Variants in EPB41L4B observed in about 807,000 individuals in gnomAD.
EPB41L4B encodes erythrocyte membrane protein band 4.1 like 4B.
A neutral mutation model predicts 112.5 loss-of-function variants in EPB41L4B; 30 were observed. The ratio of observed to expected loss-of-function variants is 0.27; its 90% CI spans 0.20 to 0.36. The LOEUF is 0.36. EPB41L4B is among the 10% of genes least tolerant of loss of function. The pLI is 1.00. For synonymous variants in EPB41L4B, 408 were observed against 439.7 expected (o/e 0.93, Z 0.90); for missense variants, 1,024 against 1,133.3 (o/e 0.90, Z 1.38).
chr9:109,205,122 G>A (rs1282358410), intron 18 of EPB41L4B, among the ~76,000 whole-genome samples: 1 of 152,208 alleles, frequency 6.6e-6, no homozygotes, highest in Admixed American at 6.5e-5. Flanking sequence ...ATAAGAAGCT[G>A]ATGTGTACTG....
chr9:109,312,780 A>G (rs1398061313), intron 1 of EPB41L4B, among the ~76,000 whole-genome samples: 1 of 152,178 alleles, frequency 6.6e-6, no homozygotes, highest in African/African-American at 2.4e-5. Flanking sequence ...CCAGGCATAC[A>G]GCCAGAACTC....
At chr9:109,201,239 T>G (rs960742987) in intron 19 of EPB41L4B, among the ~76,000 whole-genome samples, 2 of 151,664 alleles carry the variant, frequency 1.3e-5, no homozygotes, top group African/African-American at 4.8e-5. Flanking sequence ...TGACTTGAGG[T>G]CAGGAGTTTG....
rs565731262 is a variant in EPB41L4B, at chr9:109,240,363, C to T, written c.1409+3255G>A. ...ACTGTGCAAGGTATGCAGCTGATAC[C>T]TTCTTGCTGAATAGATTTTTGCAGT... On this transcript the variant is annotated intron_variant, in intron 15 of 25. Coordinates refer to ENST00000374566, the MANE Select transcript of EPB41L4B (RefSeq NM_019114.5). The T allele has an allele frequency of 6.1e-6, 6 of 985,204 alleles. No homozygotes were observed. The African/African-American group carries it at 8.7e-5, about 14-fold the overall frequency. The allele number at this position is 985,204 out of a possible 1,614,324, so 61.0% of individuals were successfully genotyped here.
At chr9:109,271,053 T>C (rs909142713) in intron 2 of EPB41L4B, among the ~76,000 whole-genome samples, 3 of 152,244 alleles carry the variant, frequency 2.0e-5, no homozygotes, top group Admixed American at 6.5e-5. Flanking sequence ...AATTGCTGTT[T>C]GGGCTCTGCA....
chr9:109,267,404 G>A, intron 4 of EPB41L4B, 69 bp downstream of exon 4: 1 of 974,296 alleles, frequency 1.0e-6, no homozygotes, highest in Non-Finnish European at 1.6e-6. Context: ...ACCCACAATT[G>A]AGAAGAGCCA....
chr9:109,189,441 G>A (rs182063278), intron 22 of EPB41L4B, among the ~76,000 whole-genome samples: 11 of 152,286 alleles, frequency 7.2e-5, no homozygotes, highest in African/African-American at 2.6e-4. Flanking sequence ...AGATCAAGAT[G>A]TGTTACAGGA....
At chr9:109,185,635 G>A (rs746679864) in intron 22 of EPB41L4B, 30 bp from the exon 23 acceptor site, 1 of 1,557,494 alleles carries the variant, frequency 6.4e-7, no homozygotes, top group Admixed American at 1.8e-5. Flanking sequence ...AGAAGGGGAG[G>A]AGGAGGTGGC....
In EPB41L4B at chr9:109,258,310, T is replaced by C. The variant is rs2119037106; in HGVS notation, c.632-13A>G. The stretch of plus-strand genomic sequence containing the variant: ...TCCCCAAGCTCCGCTGTAAGTTTCA[T>C]AAAAGGGAGGAAAATAGGAGACATT... On this transcript the variant is annotated splice_polypyrimidine_tract_variant and intron_variant, in intron 6 of 25. Transcript: ENST00000374566. 6.2e-7 allele frequency: 1 copy of C among 1,609,090 alleles called. No homozygotes were observed. Among genetic ancestry groups the C allele is most frequent in the Non-Finnish European group, 8.5e-7 (1 of 1,176,798 alleles).
At chr9:109,277,315 CAAAAAAAA>C (rs35489544) in intron 2 of EPB41L4B, among the ~76,000 whole-genome samples, 1 of 112,308 alleles carries the variant, frequency 8.9e-6, no homozygotes, top group African/African-American at 3.4e-5. Context: ...AGTAGACATG[CAAAAAAAA>C]AAAAAAAAAA....
rs559166262 is a variant in EPB41L4B at position 109,267,842 on chromosome 9, A to G, written c.455-291T>C. Among the ~76,000 whole-genome samples the G allele has an allele frequency of 8.0e-4, 122 of 152,342 alleles. 1 individual carries two copies. Among genetic ancestry groups the G allele is most frequent in the Non-Finnish European group, 3.1e-4 (21 of 68,024 alleles). ...ACATTTTATTTTCACCCCTGATGCCACAATACTCCAAACTGACAGCTAGTT... is the reference window on the plus strand; with the variant it reads ...ACATTTTATTTTCACCCCTGATGCCGCAATACTCCAAACTGACAGCTAGTT... On this transcript the variant is annotated intron_variant, in intron 3 of 25. Coordinates refer to ENST00000374566, the MANE Select transcript of EPB41L4B (RefSeq NM_019114.5).
chr9:109,276,384 C>A (rs1189015213), intron 2 of EPB41L4B, among the ~76,000 whole-genome samples: 1 of 151,900 alleles, frequency 6.6e-6, no homozygotes, highest in Non-Finnish European at 1.5e-5. Flanking sequence ...GAAGGAGAAA[C>A]AGCATAAGCA....
intron 4 of EPB41L4B, among the ~76,000 whole-genome samples, chr9:109,266,968 C>T (rs1314549059): frequency 1.6e-4 from 15 of 91,740 alleles, no homozygotes; most frequent in Admixed American, 4.3e-4. Flanking sequence ...GATTTTGTTT[C>T]AAAAAAAAAA....
At chr9:109,231,447 C>T (rs557418299) in intron 15 of EPB41L4B, among the ~76,000 whole-genome samples, 2 of 152,286 alleles carry the variant, frequency 1.3e-5, no homozygotes, top group East Asian at 3.9e-4. Context: ...AGTTTTAGTG[C>T]ATTTAAATTT....
intron 20 of EPB41L4B, among the ~76,000 whole-genome samples, chr9:109,199,695 T>C (rs1285756084): frequency 6.6e-6 from 1 of 152,080 alleles, no homozygotes; most frequent in Non-Finnish European, 1.5e-5. Context: ...GGGATGTCAG[T>C]TCTGTGCGTA....
intron 19 of EPB41L4B, among the ~76,000 whole-genome samples, chr9:109,201,979 C>T (rs1383997161): frequency 6.6e-6 from 1 of 152,064 alleles, no homozygotes; most frequent in African/African-American, 2.4e-5. Context: ...GGACTGTGGG[C>T]AGCAGTAGGC....
At chr9:109,195,258 A>G (rs1199054079) in intron 20 of EPB41L4B, among the ~76,000 whole-genome samples, 3 of 151,776 alleles carry the variant, frequency 2.0e-5, no homozygotes, top group Admixed American at 1.3e-4. Flanking sequence ...TAGATACAAG[A>G]CCCATGACAG....
intron 25 of EPB41L4B, 31 bp from the exon 26 acceptor site, chr9:109,174,654 A>T (rs1340799112): frequency 6.3e-7 from 1 of 1,597,358 alleles, no homozygotes; most frequent in Non-Finnish European, 8.6e-7. Context: ...AAATAGTGAG[A>T]CAATCCCTCA....
At chr9:109,213,922 C>A in intron 16 of EPB41L4B, 104 bp from the exon 17 acceptor site, 11 of 931,448 alleles carry the variant, frequency 1.2e-5, no homozygotes, top group Non-Finnish European at 1.9e-5. Context: ...ACCCTTTCTG[C>A]CGGCCTCCTC....
At chr9:109,225,722 C>G (rs1833738555) in intron 15 of EPB41L4B, among the ~76,000 whole-genome samples, 2 of 152,152 alleles carry the variant, frequency 1.3e-5, no homozygotes, top group African/African-American at 2.4e-5. Flanking sequence ...GGTGCCCAAC[C>G]CAAGTGGAAC....
Sources: gnomAD v4.1 joint callset for allele counts (sites outside exome capture counted in the v4.1 genomes callset) on GRCh38, gnomAD v4.1.1 for gene constraint, MANE v1.5 for transcripts, NCBI Gene and HGNC (gene_info 2026-07-23, HGNC 2026-07-21) for gene names.